The following CDS2 variants were observed in gnomAD, a reference collection of about 807,000 sequenced individuals.
The protein encoded by CDS2 is CDP-diacylglycerol synthase 2, also known as phosphatidate cytidylyltransferase 2.
In CDS2, 47 loss-of-function variants were observed where a neutral mutation model predicts 59.0. The ratio of observed to expected loss-of-function variants is 0.80; its 90% CI spans 0.63 to 1.02. CDS2 has a LOEUF of 1.02. CDS2 is among the 50% of genes least tolerant of loss of function. CDS2 has a pLI of 0.00. For missense variants in CDS2, 356 were observed against 558.9 expected (o/e 0.64, Z 3.66); for synonymous variants, 207 against 206.4 (o/e 1.00, Z -0.02).
chr20:5,134,653 T>C (rs2090634055), intron 1 of CDS2, among the ~76,000 whole-genome samples: 1 of 152,158 alleles, frequency 6.6e-6, no homozygotes, highest in African/African-American at 2.4e-5. Flanking sequence ...CCCGAGTAGC[T>C]GGGATTACAG....
chr20:5,142,445 T>TA lies in CDS2; in HGVS notation c.57+15307dup, dbSNP rs11476644. The stretch of plus-strand genomic sequence containing the variant: ...CTGGGTAACAGAGCAAGACTCCATC[T>TA]AAAAAAAAAAACTTAAGGCATATTA... On this transcript the variant is annotated intron_variant, in intron 1 of 12. Transcript: ENST00000460006. Among the ~76,000 whole-genome samples the TA allele has an allele frequency of 1.8e-3, 259 of 145,432 alleles. 1 individual carries two copies. Among genetic ancestry groups the TA allele is most frequent in the Admixed American group, 3.1e-3 (45 of 14,592 alleles).
chr20:5,165,244 A>T (rs75115827), intron 1 of CDS2, among the ~76,000 whole-genome samples: 1 of 152,190 alleles, frequency 6.6e-6, no homozygotes, highest in Non-Finnish European at 1.5e-5. Flanking sequence ...ACATTTGGCC[A>T]CAAATGTCTA....
At chr20:5,182,606 A>T (rs1303129169) in intron 6 of CDS2, among the ~76,000 whole-genome samples, 161 bp downstream of exon 6, 1 of 152,210 alleles carries the variant, frequency 6.6e-6, no homozygotes, top group Non-Finnish European at 1.5e-5. Context: ...ATTTAGGTTT[A>T]ATGGCTCTAC....
chr20:5,185,989 C>T (rs2091064639), intron 9 of CDS2, among the ~76,000 whole-genome samples, 163 bp downstream of exon 9: 1 of 152,264 alleles, frequency 6.6e-6, no homozygotes, highest in Admixed American at 6.5e-5. Context: ...AGCCATCCAC[C>T]AGCTTTCAGG....
intron 1 of CDS2, 68 bp from the exon 2 acceptor site, chr20:5,173,455 G>A (rs1156463612): frequency 1.7e-5 from 27 of 1,569,350 alleles, no homozygotes; most frequent in Non-Finnish European, 2.4e-5. Context: ...TCTCATGACA[G>A]GCATAGACTT....
chr20:5,133,128 T>C (rs935975134), intron 1 of CDS2, among the ~76,000 whole-genome samples: 1 of 151,506 alleles, frequency 6.6e-6, no homozygotes, highest in Non-Finnish European at 1.5e-5. Flanking sequence ...TGAGCCGAGA[T>C]CCCACCACTG....
rs540030478 is a variant in CDS2 at position 5,174,581 on chromosome 20, T to C, written c.195-602T>C. ...CTACTAAAAATACAAAAAAATTAGC[T>C]GGGTGTGGTGGCAGGCGCCTGTAGT... is the stretch of plus-strand genomic sequence containing the variant. On this transcript the variant is annotated intron_variant, in intron 2 of 12. Transcript: ENST00000460006. Among the ~76,000 whole-genome samples the C allele has an allele frequency of 8.6e-5, 13 of 151,998 alleles. No homozygotes were observed. The South Asian group carries it at 2.7e-3, about 32-fold the overall frequency.
intron 1 of CDS2, among the ~76,000 whole-genome samples, chr20:5,135,319 C>G (rs2090640275): frequency 1.3e-5 from 2 of 152,180 alleles, no homozygotes; most frequent in South Asian, 4.1e-4. Context: ...ACTTTTCCAT[C>G]TTTTCTAGGA....
chr20:5,133,161 C>G (rs146208837), intron 1 of CDS2, among the ~76,000 whole-genome samples: 18 of 152,156 alleles, frequency 1.2e-4, no homozygotes, highest in South Asian at 4.2e-4. Context: ...GAGGACAGAG[C>G]GAGACTTCAT....
chr20:5,143,629 CTTTT>C (rs1156869112), intron 1 of CDS2, among the ~76,000 whole-genome samples: 1 of 99,648 alleles, frequency 1.0e-5, no homozygotes, highest in African/African-American at 4.1e-5. Flanking sequence ...TCTTCTTCTT[CTTTT>C]TTTTTTTTTT....
rs375314789 is a variant in CDS2, at chr20:5,184,785, A to G, written c.672-73A>G. The G allele has an allele frequency of 6.9e-5, 76 of 1,102,422 alleles. No individual in the cohort carries two copies. In the East Asian group the frequency reaches 1.1e-3, roughly 16 times the overall value. The allele number at this position is 1,102,422 out of a possible 1,614,324, so 68.3% of individuals were successfully genotyped here. ...GTGATTTTGGTGCTGGAATTTAAGA[A>G]TGGCACTATTTTGTGTACTTTTGAG... On this transcript the variant is annotated intron_variant, in intron 7 of 12. Transcript: ENST00000460006. This position sits in a 1 kb window ranked among gnomAD's most constrained non-coding sequence, Gnocchi z 4.3.
chr20:5,173,788 A>G lies in CDS2; in HGVS notation c.194+129A>G, dbSNP rs2090974402. The G allele has an allele frequency of 2.1e-5, 22 of 1,052,404 alleles. No individual in the cohort carries two copies. The Admixed American group carries it at 3.5e-4, about 17-fold the overall frequency. 65.2% of individuals were successfully genotyped at this position (1,052,404 alleles called of 1,614,324 possible). On this transcript the variant is annotated intron_variant, in intron 2 of 12. Coordinates refer to ENST00000460006, the MANE Select transcript of CDS2 (RefSeq NM_003818.4). ...CTGTCTTGCCTCAGCCTCCCATGCCACTGCTCCAGGCTCCATTGAGTGTAA... is the reference window on the plus strand; with the variant it reads ...CTGTCTTGCCTCAGCCTCCCATGCCGCTGCTCCAGGCTCCATTGAGTGTAA...
chr20:5,153,139 C>G (rs1370595246), intron 1 of CDS2, among the ~76,000 whole-genome samples: 1 of 152,090 alleles, frequency 6.6e-6, no homozygotes, highest in African/African-American at 2.4e-5. Flanking sequence ...ACAGTGTGTC[C>G]CAATACCACC....
chr20:5,131,300 G>A (rs956809220), intron 1 of CDS2, among the ~76,000 whole-genome samples: 2 of 152,166 alleles, frequency 1.3e-5, no homozygotes, highest in Non-Finnish European at 2.9e-5. Context: ...TGCTAATAAA[G>A]GAAATGTTCT....
At chr20:5,163,504 A>G (rs987348329) in intron 1 of CDS2, among the ~76,000 whole-genome samples, 16 of 149,954 alleles carry the variant, frequency 1.1e-4, no homozygotes, top group African/African-American at 3.6e-4. Context: ...CAGGTGATCC[A>G]CCCGCCTCGG....
chr20:5,168,724 G>T, intron 1 of CDS2: 1 of 490,540 alleles, frequency 2.0e-6, no homozygotes, highest in Non-Finnish European at 4.1e-6. Context: ...TTCCCAGAGA[G>T]TTGATAGTGA....
At chr20:5,149,103 T>A (rs1381323442) in intron 1 of CDS2, among the ~76,000 whole-genome samples, 1 of 152,166 alleles carries the variant, frequency 6.6e-6, no homozygotes, top group Non-Finnish European at 1.5e-5. Context: ...CCTGACCTCC[T>A]GGGCTCAAGC....
intron 1 of CDS2, among the ~76,000 whole-genome samples, chr20:5,159,232 T>C (rs888567611): frequency 6.6e-6 from 1 of 151,906 alleles, no homozygotes; most frequent in African/African-American, 2.4e-5. Context: ...AACGTGCAGG[T>C]TTGTTACATA....
Position 5,147,925 on chromosome 20 carries a change from C to G in CDS2, c.57+20776C>G, listed in dbSNP as rs116469234. ...TTGTCTGATTTGTGTCTTTTGATCT[C>G]TAAGAGCAGTGATTGTTTTTTTTTG... On this transcript the variant is annotated intron_variant, in intron 1 of 12. Transcript: ENST00000460006. 5.7e-3 allele frequency among the ~76,000 whole-genome samples: 865 copies of G among 152,136 alleles called. 9 individuals carry two copies. Among genetic ancestry groups the G allele is most frequent in the African/African-American group, 0.02 (826 of 41,510 alleles).
Sources: gnomAD v4.1 joint callset for allele counts (sites outside exome capture counted in the v4.1 genomes callset) on GRCh38, gnomAD v4.1.1 for gene constraint, Gnocchi (gnomAD v3.1) non-coding constraint, MANE v1.5 for transcripts, NCBI Gene and HGNC (gene_info 2026-07-23, HGNC 2026-07-21) for gene names.